Variants in PDE3B observed in about 807,000 individuals in gnomAD.
PDE3B encodes the protein phosphodiesterase 3B.
A neutral mutation model predicts 116.8 loss-of-function variants in PDE3B; 66 were observed. The observed-to-expected ratio is 0.56, with a 90% CI of 0.46 to 0.69. The LOEUF is 0.69. Among genes scored for constraint, PDE3B ranks in the 30% least tolerant of loss-of-function variants. The pLI, the probability that PDE3B is intolerant of heterozygous loss-of-function variation, is 0.00. For synonymous variants in PDE3B, 595 were observed against 533.6 expected (o/e 1.12, Z -1.59); for missense variants, 1,384 against 1,368.1 (o/e 1.01, Z -0.18).
At chr11:14,885,472 C>G in the PDE3B span, among the ~76,000 whole-genome samples, 1 of 152,164 alleles carries the variant, frequency 6.6e-6, no homozygotes, top group Non-Finnish European at 1.5e-5. Flanking sequence ...ACTTCGGATT[C>G]AAGTGGAAGT....
intron 4 of PDE3B, among the ~76,000 whole-genome samples, chr11:14,789,541 C>T (rs1039665306): frequency 6.6e-6 from 1 of 151,856 alleles, no homozygotes; most frequent in Non-Finnish European, 1.5e-5. Context: ...GTTTTTAAAT[C>T]GATAGAAGTG....
At chr11:14,684,463 G>A (rs1216320520) in intron 1 of PDE3B, among the ~76,000 whole-genome samples, 2 of 152,184 alleles carry the variant, frequency 1.3e-5, no homozygotes, top group Admixed American at 6.5e-5. Context: ...TGCTTCTGAG[G>A]AAACAGTACA....
intron 1 of PDE3B, among the ~76,000 whole-genome samples, chr11:14,749,966 A>G (rs1416952486): frequency 2.2e-5 from 3 of 138,778 alleles, no homozygotes; most frequent in Non-Finnish European, 4.6e-5. Context: ...CAAGCTGGAG[A>G]CCTTGGAGAG....
chr11:14,701,791 C>T (rs1277126516), intron 1 of PDE3B, among the ~76,000 whole-genome samples: 1 of 145,070 alleles, frequency 6.9e-6, no homozygotes, highest in Non-Finnish European at 1.5e-5. Context: ...AAGTAGTTCA[C>T]TTTTTTTTTT....
rs556693418 is a variant in PDE3B, at chr11:14,845,028, T to A, written c.2520+1002T>A. On this transcript the variant is annotated intron_variant, in intron 12 of 15. Transcript: ENST00000282096. ...GCTGGAGATCTGAGAACGGGCAGAC[T>A]GCCTCCTCAAGTGGGTCCCTGACCC... 5.9e-5 allele frequency among the ~76,000 whole-genome samples: 9 copies of A among 152,214 alleles called. No homozygotes were observed. In the East Asian group the frequency reaches 1.5e-3, roughly 26 times the overall value.
At chr11:14,880,070 G>T in the PDE3B span, 1 of 1,549,814 alleles carries the variant, frequency 6.5e-7, no homozygotes, top group Non-Finnish European at 8.9e-7. Context: ...GCATGGCCAA[G>T]ACTCAAAAAC....
chr11:14,724,740 A>T (rs1333849564), intron 1 of PDE3B, among the ~76,000 whole-genome samples: 1 of 152,208 alleles, frequency 6.6e-6, no homozygotes, highest in Non-Finnish European at 1.5e-5. Context: ...ATGGTTAAGA[A>T]TGCCTTGTGA....
At chr11:14,749,758 A>G (rs1431884131) in intron 1 of PDE3B, among the ~76,000 whole-genome samples, 3 of 150,912 alleles carry the variant, frequency 2.0e-5, no homozygotes, top group Non-Finnish European at 4.4e-5. Context: ...GGATTTTGAT[A>G]TTAGTCAGGG....
At chr11:14,805,900 A>T (rs927006176) in intron 5 of PDE3B, among the ~76,000 whole-genome samples, 1 of 152,250 alleles carries the variant, frequency 6.6e-6, no homozygotes, top group Non-Finnish European at 1.5e-5. Flanking sequence ...AATGCTCATT[A>T]TCCCTGGTCA....
intron 1 of PDE3B, among the ~76,000 whole-genome samples, chr11:14,668,501 C>T (rs995460293): frequency 2.6e-5 from 4 of 151,910 alleles, no homozygotes; most frequent in Non-Finnish European, 4.4e-5. Flanking sequence ...CTTTTAAGTA[C>T]AAATATATTT....
intron 9 of PDE3B, among the ~76,000 whole-genome samples, chr11:14,832,294 A>C (rs1273806180): frequency 6.6e-6 from 1 of 152,248 alleles, no homozygotes; most frequent in Non-Finnish European, 1.5e-5. Context: ...TTATTTATGA[A>C]ATGCAAAAAC....
chr11:14,723,004 G>T (rs534625303), intron 1 of PDE3B, among the ~76,000 whole-genome samples: 4 of 152,278 alleles, frequency 2.6e-5, no homozygotes, highest in African/African-American at 9.6e-5. Context: ...TAGGAAAAAT[G>T]TTGAAATTAA....
In PDE3B at chr11:14,870,747, C is replaced by T. The variant is rs182136528; in HGVS notation, c.*1087C>T. Reference sequence around the variant, plus strand: ...ACATGACAGAAATGACCTATCACTACTTATTATTTCTGAAGCCTAACTGCA... The same window carrying T: ...ACATGACAGAAATGACCTATCACTATTTATTATTTCTGAAGCCTAACTGCA... On this transcript the variant is annotated 3_prime_UTR_variant, in exon 16 of 16. Coordinates refer to ENST00000282096, the MANE Select transcript of PDE3B (RefSeq NM_000922.4). This position sits in a 1 kb window ranked among gnomAD's most constrained non-coding sequence, Gnocchi z 4.1. The T allele has an allele frequency of 7.2e-5, 11 of 152,258 alleles. No homozygotes were observed. The highest frequency in any genetic ancestry group is 2.1e-4 in the South Asian group (1 of 4,820). 9.4% of individuals were successfully genotyped at this position (152,258 alleles called of 1,614,324 possible).
chr11:14,860,787 C>T (rs1041289011), intron 13 of PDE3B, among the ~76,000 whole-genome samples: 3 of 152,068 alleles, frequency 2.0e-5, no homozygotes, highest in African/African-American at 7.2e-5. Flanking sequence ...ATCATGTTGC[C>T]TTTCACAGCA....
intron 1 of PDE3B, among the ~76,000 whole-genome samples, chr11:14,720,898 G>A (rs1809613828): frequency 1.0e-5 from 1 of 98,280 alleles, no homozygotes; most frequent in Non-Finnish European, 2.0e-5. Flanking sequence ...CAAAAGCAAT[G>A]GCAACAAAAG....
intron 1 of PDE3B, among the ~76,000 whole-genome samples, chr11:14,647,744 C>A (rs1416998319): frequency 2.6e-5 from 4 of 151,874 alleles, no homozygotes; most frequent in Non-Finnish European, 5.9e-5. Flanking sequence ...GCCACTTAAA[C>A]TTCTATCAAT....
At chr11:14,852,903 A>G (rs1847781159) in intron 12 of PDE3B, among the ~76,000 whole-genome samples, 1 of 152,170 alleles carries the variant, frequency 6.6e-6, no homozygotes, top group South Asian at 2.1e-4. Context: ...CAAAAAAATA[A>G]AAACAAAATA....
intron 1 of PDE3B, among the ~76,000 whole-genome samples, chr11:14,678,543 A>G (rs1255632088): frequency 2.6e-5 from 4 of 152,136 alleles, no homozygotes; most frequent in Non-Finnish European, 4.4e-5. Context: ...CTAGGTGTGT[A>G]GTGGTATTGC....
intron 1 of PDE3B, among the ~76,000 whole-genome samples, chr11:14,712,358 T>A: frequency 6.6e-6 from 1 of 152,170 alleles, no homozygotes; most frequent in Admixed American, 6.5e-5. Context: ...GCACTGAGAT[T>A]ATAGGAGTGA....
Sources: gnomAD v4.1 joint callset for allele counts (sites outside exome capture counted in the v4.1 genomes callset) on GRCh38, gnomAD v4.1.1 for gene constraint, Gnocchi (gnomAD v3.1) non-coding constraint, MANE v1.5 for transcripts, NCBI Gene and HGNC (gene_info 2026-07-23, HGNC 2026-07-21) for gene names.